The following SHISAL1 variants were observed in gnomAD, a reference collection of about 807,000 sequenced individuals.
The protein encoded by SHISAL1 is shisa like 1.
SHISAL1 carries 9 observed loss-of-function variants against 22.6 expected under a neutral mutation model. That is an observed-to-expected ratio of 0.40 (90% CI 0.24 to 0.70). SHISAL1 has a LOEUF of 0.70. Ranked by LOEUF, SHISAL1 falls within the 30% of genes least tolerant of loss-of-function variation. SHISAL1 has a pLI of 0.39. For synonymous variants in SHISAL1, 119 were observed against 115.4 expected, an observed-to-expected ratio of 1.03 and a Z score of -0.20; for missense variants, 246 against 270.6, an observed-to-expected ratio of 0.91 and a Z score of 0.64.
chr22:44,258,636 A>G (rs1471833022), intron 4 of SHISAL1, among the ~76,000 whole-genome samples: 1 of 152,204 alleles, frequency 6.6e-6, no homozygotes. Context: ...ATGTCCCTGC[A>G]AAGAACATGA....
chr22:44,327,344 G>C, the SHISAL1 span, among the ~76,000 whole-genome samples: 1 of 152,156 alleles, frequency 6.6e-6, no homozygotes, highest in Non-Finnish European at 1.5e-5. Flanking sequence ...ACTGTGTCCT[G>C]AGGGGCTGAA....
Position 44,244,953 on chromosome 22 carries a change from G to A in SHISAL1, c.*4732C>T, listed in dbSNP as rs2054986104. 6.6e-6 allele frequency: 1 copy of A among 152,270 alleles called. No homozygotes were observed. Among genetic ancestry groups the A allele is most frequent in the African/African-American group, 2.4e-5 (1 of 41,458 alleles). 9.4% of individuals were successfully genotyped at this position (152,270 alleles called of 1,614,324 possible). The stretch of plus-strand genomic sequence containing the variant: ...GTGTTGGTGCTACAGCAAGGAACTA[G>A]GGCACTGTGCATGGCATCTGGCACA... On this transcript the variant is annotated 3_prime_UTR_variant, in exon 5 of 5. Transcript: ENST00000381176.
rs1296067615 is a variant in SHISAL1, at chr22:44,310,818, G to A, written c.-33+1933C>T. Among the ~76,000 whole-genome samples, 1 of 152,022 alleles carries A rather than the reference G, an allele frequency of 6.6e-6. No individual in the cohort carries two copies. The highest frequency in any genetic ancestry group is 1.5e-5 in the Non-Finnish European group (1 of 68,026). On this transcript the variant is annotated intron_variant, in intron 1 of 4. Coordinates refer to ENST00000381176, the MANE Select transcript of SHISAL1 (RefSeq NM_001099294.2). This position sits in a 1 kb window ranked among gnomAD's most constrained non-coding sequence, Gnocchi z 4.0. ...GCACGGATTTCCCTCTGCCTTACCT[G>A]TTGGTTTACTGCTTCCCTGCCTAGT... is the stretch of plus-strand genomic sequence containing the variant.
At chr22:44,321,135 G>T in the SHISAL1 span, among the ~76,000 whole-genome samples, 7 of 152,262 alleles carry the variant, frequency 4.6e-5, no homozygotes, top group South Asian at 1.5e-3. Flanking sequence ...ACAGCAGTGA[G>T]AGTGGCAGTG....
In SHISAL1 at chr22:44,244,423, C is replaced by T. The variant is rs2054980849; in HGVS notation, c.*5262G>A. ...TGAATGGTGCCTCCTGGAGGTGAAC[C>T]CTGCAGCAGCCCCGGATTTCAGTCT... On this transcript the variant is annotated 3_prime_UTR_variant, in exon 5 of 5. Transcript: ENST00000381176. 1.3e-5 allele frequency: 2 copies of T among 152,184 alleles called. No homozygotes were observed. Among genetic ancestry groups the T allele is most frequent in the African/African-American group, 4.8e-5 (2 of 41,422 alleles). The allele number at this position is 152,184 out of a possible 1,614,324, so 9.4% of individuals were successfully genotyped here.
At chr22:44,307,008 AC>A (rs1412178850) in intron 1 of SHISAL1, among the ~76,000 whole-genome samples, 4 of 151,970 alleles carry the variant, frequency 2.6e-5, no homozygotes, top group African/African-American at 9.7e-5. Flanking sequence ...TGTGGAGGGG[AC>A]CTGGGATCTG....
chr22:44,267,943 G>T (rs1414113109), intron 4 of SHISAL1, among the ~76,000 whole-genome samples: 1 of 152,242 alleles, frequency 6.6e-6, no homozygotes, highest in East Asian at 1.9e-4. Context: ...CCCTCTGGGA[G>T]TCTCCGAAGG....
chr22:44,303,290 C>T (rs1483567418), intron 1 of SHISAL1, among the ~76,000 whole-genome samples: 1 of 152,056 alleles, frequency 6.6e-6, no homozygotes, highest in Non-Finnish European at 1.5e-5. Context: ...TGTTGAAGTC[C>T]TAACTCCCAG....
At chr22:44,311,401 A>G (rs2055517535) in intron 1 of SHISAL1, among the ~76,000 whole-genome samples, 1 of 152,196 alleles carries the variant, frequency 6.6e-6, no homozygotes, top group South Asian at 2.1e-4. Flanking sequence ...TAACCATTCC[A>G]GTGTATCCCT....
rs973387048 is a variant in SHISAL1, at chr22:44,243,888, G to C, written c.*5797C>G. 1 of 152,188 alleles carries C rather than the reference G, an allele frequency of 6.6e-6. No homozygotes were observed. The highest frequency in any genetic ancestry group is 2.4e-5 in the African/African-American group (1 of 41,442). The allele number at this position is 152,188 out of a possible 1,614,324, so 9.4% of individuals were successfully genotyped here. On this transcript the variant is annotated 3_prime_UTR_variant, in exon 5 of 5. Transcript: ENST00000381176. The stretch of plus-strand genomic sequence containing the variant: ...TCACATGAAGTCAGAGTTTACGGGA[G>C]AGAAAATATTTCCATCCCCCTACCC...
At chr22:44,329,364 C>T in the SHISAL1 span, among the ~76,000 whole-genome samples, 1 of 152,192 alleles carries the variant, frequency 6.6e-6, no homozygotes, top group Non-Finnish European at 1.5e-5. Context: ...AGCACTGGCC[C>T]TGCCCCCTAC....
rs566950595 is a variant in SHISAL1 at position 44,252,761 on chromosome 22, G to A, written c.*-3076C>T. ...TGTAATCTCAGCACTCTGGGAGGCTGAGGCAGGTAGATCACGAGGTCAGGA... is the reference window on the plus strand; with the variant it reads ...TGTAATCTCAGCACTCTGGGAGGCTAAGGCAGGTAGATCACGAGGTCAGGA... On this transcript the variant is annotated intron_variant, in intron 4 of 4. Coordinates refer to ENST00000381176, the MANE Select transcript of SHISAL1 (RefSeq NM_001099294.2). Among the ~76,000 whole-genome samples, 8 of 152,264 alleles carry A rather than the reference G, an allele frequency of 5.3e-5. No individual in the cohort carries two copies. The East Asian group carries it at 1.2e-3, about 22-fold the overall frequency.
At chr22:44,319,193 C>T in the SHISAL1 span, among the ~76,000 whole-genome samples, 1 of 152,250 alleles carries the variant, frequency 6.6e-6, no homozygotes, top group Non-Finnish European at 1.5e-5. Flanking sequence ...TGAGCACCTC[C>T]GATGTGTTCA....
chr22:44,324,582 AT>A, the SHISAL1 span, among the ~76,000 whole-genome samples: 1 of 152,214 alleles, frequency 6.6e-6, no homozygotes, highest in Non-Finnish European at 1.5e-5. Flanking sequence ...CTTTGTATGA[AT>A]TTATTTTATC....
chr22:44,261,527 G>A (rs1480574723), intron 4 of SHISAL1, among the ~76,000 whole-genome samples: 1 of 152,156 alleles, frequency 6.6e-6, no homozygotes, highest in Non-Finnish European at 1.5e-5. Flanking sequence ...CTCAGAAGCT[G>A]TGTGACCCTG....
At chr22:44,260,666 G>C (rs979191852) in intron 4 of SHISAL1, among the ~76,000 whole-genome samples, 2 of 152,232 alleles carry the variant, frequency 1.3e-5, no homozygotes, top group Non-Finnish European at 2.9e-5. Context: ...AGAGCCAAAC[G>C]CTTGCCTGTA....
At chr22:44,325,128 A>G in the SHISAL1 span, among the ~76,000 whole-genome samples, 123 of 152,214 alleles carry the variant, frequency 8.1e-4, no homozygotes, top group African/African-American at 2.9e-3. Flanking sequence ...CTGTAATCCC[A>G]GCTACTAGGG....
rs1027304813 is a variant in SHISAL1 at position 44,248,818 on chromosome 22, C to T, written c.*867G>A. On this transcript the variant is annotated 3_prime_UTR_variant, in exon 5 of 5. Coordinates refer to ENST00000381176, the MANE Select transcript of SHISAL1 (RefSeq NM_001099294.2). ...CCCCGGCTGGCGAGCATGTCACGTC[C>T]AGGGAGTTGGAGCCTGGACTTTGGG... is the stretch of plus-strand genomic sequence containing the variant. The T allele has an allele frequency of 2.6e-5, 4 of 152,150 alleles. No individual in the cohort carries two copies. The highest frequency in any genetic ancestry group is 7.2e-5 in the African/African-American group (3 of 41,416). The allele number at this position is 152,150 out of a possible 1,614,324, so 9.4% of individuals were successfully genotyped here. A position where few individuals can be genotyped will look rare whatever the true frequency, so the allele number is the denominator to read the frequency against.
chr22:44,321,640 C>G, the SHISAL1 span, among the ~76,000 whole-genome samples: 1 of 152,194 alleles, frequency 6.6e-6, no homozygotes, highest in Non-Finnish European at 1.5e-5. Context: ...AGTGAATAAA[C>G]CCATGACATG....
Sources: gnomAD v4.1 joint callset for allele counts (sites outside exome capture counted in the v4.1 genomes callset) on GRCh38, gnomAD v4.1.1 for gene constraint, Gnocchi (gnomAD v3.1) non-coding constraint, MANE v1.5 for transcripts, NCBI Gene and HGNC (gene_info 2026-07-23, HGNC 2026-07-21) for gene names.